Variants in TAB3 observed in about 807,000 individuals in gnomAD.
TAB3 encodes TGF-beta activated kinase 1 (MAP3K7) binding protein 3, also known as TGF-beta-activated kinase 1 and MAP3K7-binding protein 3.
A neutral mutation model predicts 48.1 loss-of-function variants in TAB3; 18 were observed. That is an observed-to-expected ratio of 0.37 (90% CI 0.26 to 0.55). The LOEUF is 0.55. Among genes scored for constraint, TAB3 ranks in the 20% least tolerant of loss-of-function variants. The probability of loss-of-function intolerance (pLI) is 0.78; values close to 1 mark genes in which losing one functional copy is unlikely to be tolerated. For missense variants in TAB3, 414 were observed against 549.8 expected (o/e 0.75, Z 2.47); for synonymous variants, 185 against 190.2 (o/e 0.97, Z 0.22).
intron 7 of TAB3, among the ~76,000 whole-genome samples, chrX:30,848,443 A>C (rs749299469): frequency 7.2e-5 from 8 of 111,474 alleles, no homozygotes; most frequent in Non-Finnish European, 1.1e-4. Context: ...AATTGCTTGA[A>C]CTGGGGAGGT....
chrX:30,856,348 A>C (rs1913922256), intron 5 of TAB3, among the ~76,000 whole-genome samples: 1 of 112,257 alleles, frequency 8.9e-6, no homozygotes, highest in Non-Finnish European at 1.9e-5. Flanking sequence ...AAAATCACTG[A>C]AAGATTTGAA....
intron 5 of TAB3, among the ~76,000 whole-genome samples, chrX:30,858,327 C>A (rs758697819): frequency 9.0e-4 from 100 of 111,548 alleles, no homozygotes; most frequent in Middle Eastern, 9.2e-3. Context: ...GGTTTCACTC[C>A]GGTGGGAAGT....
At chrX:30,880,583 T>C (rs1231220262) in intron 1 of TAB3, among the ~76,000 whole-genome samples, 1 of 111,527 alleles carries the variant, frequency 9.0e-6, no homozygotes, top group Non-Finnish European at 1.9e-5. Flanking sequence ...CTTATGAGAA[T>C]ACCATGAAAT....
intron 4 of TAB3, among the ~76,000 whole-genome samples, chrX:30,866,455 G>A (rs897863193): frequency 9.1e-6 from 1 of 109,712 alleles, no homozygotes; most frequent in African/African-American, 3.3e-5. Context: ...CTAAAACTGG[G>A]GCAGGGAATA....
At chrX:30,869,926 C>G (rs771870211) in intron 2 of TAB3, among the ~76,000 whole-genome samples, 1 of 112,509 alleles carries the variant, frequency 8.9e-6, no homozygotes, top group South Asian at 3.7e-4. Context: ...ATTCAAAAAA[C>G]TTGTTTCAGG....
chrX:30,879,699 C>T (rs1939942851), intron 1 of TAB3, among the ~76,000 whole-genome samples: 1 of 111,159 alleles, frequency 9.0e-6, no homozygotes, highest in East Asian at 2.8e-4. Flanking sequence ...ACAATAGCGC[C>T]ACTATTACTA....
In TAB3 at chrX:30,842,964, A is replaced by AC; in HGVS notation, c.1888+1dup. The AC allele has an allele frequency of 9.0e-7, 1 of 1,117,221 alleles. No homozygotes were observed. Among genetic ancestry groups the AC allele is most frequent in the Non-Finnish European group, 1.2e-6 (1 of 832,935 alleles). The allele number at this position is 1,117,221 out of a possible 1,213,427, so 92.1% of individuals were successfully genotyped here. A position where few individuals can be genotyped will look rare whatever the true frequency, so the allele number is the denominator to read the frequency against. On this transcript the variant is annotated splice_donor_variant, in intron 9 of 10. Transcript: ENST00000288422. LOFTEE classifies it high-confidence loss of function. ...CGTATTTGTGACATTTTTCATACTCACCTTTTTTAGATGGCTTGGGTGGTA... is the reference window on the plus strand; with the variant it reads ...CGTATTTGTGACATTTTTCATACTCACCCTTTTTTAGATGGCTTGGGTGGTA...
Position 30,828,792 on chromosome X carries a change from C to A in TAB3, c.*2635G>T, listed in dbSNP as rs1390492674. On this transcript the variant is annotated 3_prime_UTR_variant, in exon 11 of 11. Transcript: ENST00000288422. ...GGCACCTCAGCAGCCAGGCGTCATC[C>A]GATTTATATCCTACCACTTCCATGC... is the stretch of plus-strand genomic sequence containing the variant. 3.6e-5 allele frequency: 4 copies of A among 111,808 alleles called. No homozygotes were observed. Among genetic ancestry groups the A allele is most frequent in the African/African-American group, 1.3e-4 (4 of 30,729 alleles). The allele number at this position is 111,808 out of a possible 1,213,427, so 9.2% of individuals were successfully genotyped here. A position where few individuals can be genotyped will look rare whatever the true frequency, so the allele number is the denominator to read the frequency against.
intron 8 of TAB3, 135 bp downstream of exon 8, chrX:30,846,416 G>T: frequency 2.2e-6 from 1 of 445,540 alleles, no homozygotes. Context: ...ATGGGACAGG[G>T]GGATCTCTTT....
intron 1 of TAB3, among the ~76,000 whole-genome samples, chrX:30,886,085 A>G (rs1456630478): frequency 1.8e-5 from 2 of 112,110 alleles, no homozygotes; most frequent in Non-Finnish European, 3.8e-5. Context: ...ACTATAATAA[A>G]TGTTCTTATT....
chrX:30,876,038 A>G (rs1295755743), intron 1 of TAB3, among the ~76,000 whole-genome samples: 6 of 112,191 alleles, frequency 5.3e-5, no homozygotes, highest in Admixed American at 4.7e-4. Flanking sequence ...GAAGGACAAA[A>G]GGGAAAATCC....
intron 2 of TAB3, among the ~76,000 whole-genome samples, chrX:30,870,690 G>A (rs1261621413): frequency 2.7e-5 from 3 of 112,435 alleles, no homozygotes; most frequent in Non-Finnish European, 5.6e-5. Flanking sequence ...TCCCAACCAG[G>A]GGTGACTTTT....
intron 1 of TAB3, among the ~76,000 whole-genome samples, chrX:30,887,657 T>G (rs1421683874): frequency 1.8e-5 from 2 of 112,346 alleles, no homozygotes; most frequent in Non-Finnish European, 3.8e-5. Flanking sequence ...AACATTATCT[T>G]TAGCATAGGG....
rs773505510 is a variant in TAB3, at chrX:30,868,617, A to AGC, written c.-279-1070_-279-1069dup. 8.0e-5 allele frequency among the ~76,000 whole-genome samples: 5 copies of AGC among 62,558 alleles called. No individual in the cohort carries two copies. The East Asian group carries it at 2.3e-3, about 29-fold the overall frequency. 54.3% of individuals were successfully genotyped at this position (62,558 alleles called of 115,157 possible). A position where few individuals can be genotyped will look rare whatever the true frequency, so the allele number is the denominator to read the frequency against. On this transcript the variant is annotated intron_variant, in intron 2 of 10. Transcript: ENST00000288422. Reference sequence around the variant, plus strand: ...GAGAGAGAGAGAGAGAGAGAGAGAGAGCGCGTGGGGGGGAGAGACAGAGAG... The same window carrying AGC: ...GAGAGAGAGAGAGAGAGAGAGAGAGAGCGCGCGTGGGGGGGAGAGACAGAGAG...
rs915658687 is a variant in TAB3 at position 30,831,113 on chromosome X, G to C, written c.*314C>G. On this transcript the variant is annotated 3_prime_UTR_variant, in exon 11 of 11. Transcript: ENST00000288422. ...TTTAAAAAATAAGGGCCACTCAGCA[G>C]TAACTTTAACAATTGGGATTCCACC... 1 of 207,218 alleles carries C rather than the reference G, an allele frequency of 4.8e-6. No individual in the cohort carries two copies. Among genetic ancestry groups the C allele is most frequent in the Admixed American group, 7.0e-5 (1 of 14,285 alleles). The allele number at this position is 207,218 out of a possible 1,213,427, so 17.1% of individuals were successfully genotyped here.
intron 4 of TAB3, among the ~76,000 whole-genome samples, chrX:30,864,804 T>TGTGTG (rs57124332): frequency 1.7e-4 from 15 of 88,544 alleles, no homozygotes; most frequent in Non-Finnish European, 2.4e-5. Flanking sequence ...TGTGTGTGTG[T>TGTGTG]TTTTTTTTTA....
At chrX:30,843,225 G>A in intron 8 of TAB3, 176 bp from the exon 9 acceptor site, 1 of 384,846 alleles carries the variant, frequency 2.6e-6, no homozygotes, top group South Asian at 4.9e-5. Flanking sequence ...ATCGCTGTGA[G>A]AAAAGACCCA....
At chrX:30,843,146 G>A in intron 8 of TAB3, 97 bp from the exon 9 acceptor site, 2 of 471,307 alleles carry the variant, frequency 4.2e-6, no homozygotes, top group Non-Finnish European at 7.0e-6. Context: ...CACATAAGAA[G>A]GGAAAAATGT....
intron 2 of TAB3, among the ~76,000 whole-genome samples, chrX:30,869,123 C>T (rs1216522203): frequency 9.2e-6 from 1 of 108,490 alleles, no homozygotes; most frequent in Non-Finnish European, 1.9e-5. Flanking sequence ...TGCAATGGCA[C>T]GATCTCAGCT....
Sources: allele counts gnomAD v4.1 joint callset (sites outside exome capture counted in the v4.1 genomes callset), GRCh38; gene constraint gnomAD v4.1.1; transcripts MANE v1.5; gene names NCBI Gene and HGNC (gene_info 2026-07-23, HGNC 2026-07-21).